Variants in GINS2 observed in about 807,000 individuals in gnomAD.
The protein encoded by GINS2 is DNA replication complex GINS protein PSF2.
In GINS2, 23 loss-of-function variants were observed where a neutral mutation model predicts 21.2. The ratio of observed to expected loss-of-function variants is 1.08; its 90% CI spans 0.78 to 1.53. The LOEUF (loss-of-function observed/expected upper bound fraction) is 1.53, where lower values mean the gene tolerates loss of function less well. GINS2 is among the 40% of genes most tolerant of loss of function. GINS2 has a pLI of 0.00. For missense variants in GINS2, 323 were observed against 233.9 expected (o/e 1.38, Z -2.49); for synonymous variants, 118 against 85.6 (o/e 1.38, Z -2.09).
chr16:85,684,108 C>G (rs1292936654), intron 2 of GINS2, among the ~76,000 whole-genome samples: 1 of 152,168 alleles, frequency 6.6e-6, no homozygotes, highest in African/African-American at 2.4e-5. Flanking sequence ...AATCCCAGCA[C>G]TTTGGGAGAC....
intron 1 of GINS2, 100 bp downstream of exon 1, chr16:85,688,709 G>C (rs1598765046): frequency 1.5e-5 from 8 of 547,602 alleles, no homozygotes; most frequent in Non-Finnish European, 2.4e-5. Context: ...CCGCAGATGC[G>C]GGAGCAGGGC....
intron 1 of GINS2, among the ~76,000 whole-genome samples, chr16:85,688,383 C>T (rs778039638): frequency 7.2e-5 from 11 of 151,988 alleles, no homozygotes; most frequent in Non-Finnish European, 1.2e-4. Context: ...ACATCTCTAC[C>T]AAAAATACAA....
intron 2 of GINS2, among the ~76,000 whole-genome samples, chr16:85,683,039 C>G (rs1220377331): frequency 6.6e-6 from 1 of 152,058 alleles, no homozygotes; most frequent in Non-Finnish European, 1.5e-5. Context: ...CCTACCCACT[C>G]GAGGACCAGC....
intron 2 of GINS2, among the ~76,000 whole-genome samples, chr16:85,685,143 G>T (rs1045099700): frequency 1.3e-5 from 2 of 152,154 alleles, no homozygotes; most frequent in Admixed American, 6.5e-5. Context: ...CAGGCTGTTG[G>T]GTAGGGTCTA....
At chr16:85,685,681 A>AAAAAAAAAAAAAAAAAAACAAC (rs1567792829) in intron 2 of GINS2, among the ~76,000 whole-genome samples, 1 of 147,950 alleles carries the variant, frequency 6.8e-6, no homozygotes, top group African/African-American at 2.5e-5. Flanking sequence ...AAAAAAAAAA[A>AAAAAAAAAAAAAAAAAAACAAC]AAAAAAAAAA....
At position 85,676,670 on chromosome 16, in the gene GINS2, C is replaced by G. The variant is rs921660014; in HGVS notation, c.*1542G>C. 1 of 152,268 alleles carries G rather than the reference C, an allele frequency of 6.6e-6. No individual in the cohort carries two copies. Among genetic ancestry groups the G allele is most frequent in the Admixed American group, 6.5e-5 (1 of 15,288 alleles). 9.4% of individuals were successfully genotyped at this position (152,268 alleles called of 1,614,324 possible). A position where few individuals can be genotyped will look rare whatever the true frequency, so the allele number is the denominator to read the frequency against. ...TCAGAGCTCCCCAGACAGCACCCCA[C>G]TGCTTTTGGCCCACTGGTGTCCAGC... On this transcript the variant is annotated 3_prime_UTR_variant, in exon 5 of 5. Coordinates refer to ENST00000253462, the MANE Select transcript of GINS2 (RefSeq NM_016095.3).
At position 85,678,611 on chromosome 16, in the gene GINS2, A is replaced by G; in HGVS notation, c.361T>C (p.Trp121Arg). 1 of 1,613,936 alleles carries G rather than the reference A, an allele frequency of 6.2e-7. No individual in the cohort carries two copies. The highest frequency in any genetic ancestry group is 1.1e-5 in the South Asian group (1 of 91,084). The change falls in exon 4 of 5, where the codon TGG (tryptophan) becomes CGG (arginine). Residue 121 changes from tryptophan (W) to arginine (R), a missense_variant. By Grantham distance (101) the Trp-to-Arg change is moderately radical. Transcript: ENST00000253462. ...CGGAGTTTGGCTATACGAGTGTCCC[A>G]CATATCCTTGACCAGGGTCCGGATT... ...DEIRTLVKDMWDTRIAKLRVS... is the reference protein window; with the variant it reads ...DEIRTLVKDMRDTRIAKLRVS...
rs556503464 is a variant in GINS2, at chr16:85,682,118, C to T, written c.206-437G>A. On this transcript the variant is annotated intron_variant, in intron 2 of 4. Coordinates refer to ENST00000253462, the MANE Select transcript of GINS2 (RefSeq NM_016095.3). ...CACAGCTCACTGCAGCTTCAACCTC[C>T]TGGGCTCAAGCAATCCTCCCGCCTC... 2.1e-3 allele frequency among the ~76,000 whole-genome samples: 309 copies of T among 147,176 alleles called. 1 individual carries two copies. Among genetic ancestry groups the T allele is most frequent in the Middle Eastern group, 7.3e-3 (2 of 274 alleles).
chr16:85,679,224 A>C (rs1436007767), intron 3 of GINS2, among the ~76,000 whole-genome samples: 1 of 152,214 alleles, frequency 6.6e-6, no homozygotes, highest in Non-Finnish European at 1.5e-5. Context: ...CAGAGAAGAC[A>C]AAAACAAGTT....
At chr16:85,687,422 C>T (rs1567793518) in intron 2 of GINS2, 38 bp downstream of exon 2, 2 of 1,290,656 alleles carry the variant, frequency 1.5e-6, no homozygotes, top group South Asian at 1.5e-5. Context: ...CAAGCCCAGC[C>T]CCACCCACGC....
rs529788059 is a variant in GINS2 at position 85,681,527 on chromosome 16, A to G, written c.305+55T>C. 1.5e-5 allele frequency: 15 copies of G among 1,014,890 alleles called. No individual in the cohort carries two copies. The African/African-American group carries it at 2.4e-4, about 16-fold the overall frequency. 62.9% of individuals were successfully genotyped at this position (1,014,890 alleles called of 1,614,324 possible). ...GAGAGGAAGGACGAGGGTTAGGGGA[A>G]GGGCATGGCGAGTCCAGTCTTGGGT... On this transcript the variant is annotated intron_variant, in intron 3 of 4. Transcript: ENST00000253462.
At chr16:85,688,399 C>T (rs893396154) in intron 1 of GINS2, among the ~76,000 whole-genome samples, 4 of 151,554 alleles carry the variant, frequency 2.6e-5, no homozygotes, top group African/African-American at 9.7e-5. Flanking sequence ...TACAAAAATG[C>T]GCCGGGCGTG....
intron 2 of GINS2, among the ~76,000 whole-genome samples, chr16:85,682,207 G>T (rs1024595625): frequency 6.6e-6 from 1 of 151,848 alleles, no homozygotes; most frequent in African/African-American, 2.4e-5. Flanking sequence ...TAGAGACAAG[G>T]TCTCACTATG....
Position 85,677,840 on chromosome 16 carries a change from T to G in GINS2, c.*372A>C. Reference sequence around the variant, plus strand: ...AAGGGGTAAAAAGCCGTGGACCACATGGCCACTCCTGCTGTATCTACACCT... The same window carrying G: ...AAGGGGTAAAAAGCCGTGGACCACAGGGCCACTCCTGCTGTATCTACACCT... On this transcript the variant is annotated 3_prime_UTR_variant, in exon 5 of 5. Coordinates refer to ENST00000253462, the MANE Select transcript of GINS2 (RefSeq NM_016095.3). 5.7e-6 allele frequency: 1 copy of G among 176,734 alleles called. No homozygotes were observed. Among genetic ancestry groups the G allele is most frequent in the South Asian group, 1.3e-4 (1 of 7,536 alleles). The allele number at this position is 176,734 out of a possible 1,614,324, so 10.9% of individuals were successfully genotyped here.
Position 85,688,804 on chromosome 16 carries a change from C to T in GINS2, c.90+5G>A, listed in dbSNP as rs780742906. On this transcript the variant is annotated splice_donor_5th_base_variant and intron_variant, in intron 1 of 4. Transcript: ENST00000253462. The stretch of plus-strand genomic sequence containing the variant: ...TCCCCTCCCCACGGCGGGCCCAGGC[C>T]TCACCCCGATGAGGTAGATCTTGTC... The T allele has an allele frequency of 1.3e-6, 2 of 1,520,184 alleles. No individual in the cohort carries two copies. The highest frequency in any genetic ancestry group is 2.0e-5 in the Admixed American group (1 of 48,834). 94.2% of individuals were successfully genotyped at this position (1,520,184 alleles called of 1,614,324 possible).
At chr16:85,678,701 A>G in intron 3 of GINS2, 35 bp from the exon 4 acceptor site, 2 of 1,603,626 alleles carry the variant, frequency 1.2e-6, no homozygotes, top group Non-Finnish European at 1.7e-6. Context: ...GTCGGGGAAC[A>G]CTTGATAACC....
rs1205044317 is a variant in GINS2, at chr16:85,680,205, G to A, written c.305+1377C>T. On this transcript the variant is annotated intron_variant, in intron 3 of 4. Transcript: ENST00000253462. ...ACGCCACTGCCGAGTGGAATGCTTG[G>A]TGCATTGCTGCTTCTCAGCTTTTTA... Among the ~76,000 whole-genome samples the A allele has an allele frequency of 2.0e-5, 3 of 152,208 alleles. No individual in the cohort carries two copies. In the East Asian group the frequency reaches 5.8e-4, roughly 29 times the overall value.
intron 3 of GINS2, among the ~76,000 whole-genome samples, chr16:85,680,791 G>C (rs552037722): frequency 6.6e-6 from 1 of 152,346 alleles, no homozygotes; most frequent in East Asian, 1.9e-4. Context: ...AAGTCAGAAT[G>C]CTTGAAGAAG....
At chr16:85,678,421 C>A (rs764458580) in intron 4 of GINS2, 84 bp from the exon 5 acceptor site, 59 of 1,561,428 alleles carry the variant, frequency 3.8e-5, no homozygotes, top group Non-Finnish European at 4.9e-5. Flanking sequence ...AAATAAGAAA[C>A]CAATGAACTG....
Sources: allele counts gnomAD v4.1 joint callset (sites outside exome capture counted in the v4.1 genomes callset), GRCh38; gene constraint gnomAD v4.1.1; transcripts MANE v1.5; gene names NCBI Gene and HGNC (gene_info 2026-07-23, HGNC 2026-07-21).